The following KIF24 variants were observed in gnomAD, a reference collection of about 807,000 sequenced individuals.
The protein encoded by KIF24 is kinesin-like protein KIF24.
A neutral mutation model predicts 118.9 loss-of-function variants in KIF24; 81 were observed. The ratio of observed to expected loss-of-function variants is 0.68; its 90% CI spans 0.57 to 0.82. KIF24 has a LOEUF of 0.82. Among genes scored for constraint, KIF24 ranks in the 40% least tolerant of loss-of-function variants. The pLI, the probability that KIF24 is intolerant of heterozygous loss-of-function variation, is 0.00. For missense variants in KIF24, 1,560 were observed against 1,661.6 expected, an observed-to-expected ratio of 0.94 and a Z score of 1.06; for synonymous variants, 599 against 610.0, an observed-to-expected ratio of 0.98 and a Z score of 0.27.
intron 1 of KIF24, among the ~76,000 whole-genome samples, chr9:34,327,758 T>C (rs1024381969): frequency 6.6e-6 from 1 of 151,888 alleles, no homozygotes; most frequent in African/African-American, 2.4e-5. Context: ...GGGGCTAGAT[T>C]CAGGCGTTCA....
chr9:34,307,860 G>GAA (rs57149308), intron 2 of KIF24, among the ~76,000 whole-genome samples: 2 of 113,980 alleles, frequency 1.8e-5, no homozygotes, highest in African/African-American at 7.2e-5. Flanking sequence ...GACTCTGTCT[G>GAA]AAAAAAAAAA....
rs753714497 is a variant in KIF24 at position 34,318,341 on chromosome 9, C to A, written c.-25-6970G>T. 263 of 598,946 alleles carry A rather than the reference C, an allele frequency of 4.4e-4. 4 individuals carry two copies. The highest frequency in any genetic ancestry group is 2.2e-3 in the Middle Eastern group (5 of 2,224). 37.1% of individuals were successfully genotyped at this position (598,946 alleles called of 1,614,324 possible). A position where few individuals can be genotyped will look rare whatever the true frequency, so the allele number is the denominator to read the frequency against. On this transcript the variant is annotated intron_variant, in intron 1 of 12. Transcript: ENST00000402558. This position sits in a 1 kb window ranked among gnomAD's most constrained non-coding sequence, Gnocchi z 4.9. ...TTGGAGCCAGCCCAGCCCAACCCAG[C>A]CCAACCCAGCTTGACCTAGCCCTGA...
In KIF24 at chr9:34,321,134, C is replaced by T. The variant is rs111305592; in HGVS notation, c.-26+7972G>A. ...CCCTTAAACTACCACTGCCACCAAA[C>T]ACATTCTTATTCTGTAGGGAGGGAG... On this transcript the variant is annotated intron_variant, in intron 1 of 12. Transcript: ENST00000402558. 4.9e-3 allele frequency among the ~76,000 whole-genome samples: 740 copies of T among 152,294 alleles called. 2 individuals are homozygous for T. The highest frequency in any genetic ancestry group is 7.7e-3 in the Non-Finnish European group (524 of 68,018).
chr9:34,316,348 A>T (rs1467980097), intron 1 of KIF24, among the ~76,000 whole-genome samples: 1 of 152,110 alleles, frequency 6.6e-6, no homozygotes, highest in African/African-American at 2.4e-5. Context: ...AAAAAAAAAA[A>T]AAAGTTCCAT....
chr9:34,318,932 G>C lies in KIF24; in HGVS notation c.-25-7561C>G. 6.4e-7 allele frequency: 1 copy of C among 1,554,916 alleles called. No individual in the cohort carries two copies. The highest frequency in any genetic ancestry group is 8.8e-7 in the Non-Finnish European group (1 of 1,132,366). Reference sequence around the variant, plus strand: ...TGCGCTGCAGTCCATCCACGAGTGGGCCGTGCAGACCACCGACGGCAAGCT... The same window carrying C: ...TGCGCTGCAGTCCATCCACGAGTGGCCCGTGCAGACCACCGACGGCAAGCT... On this transcript the variant is annotated intron_variant, in intron 1 of 12. Transcript: ENST00000402558. The surrounding 1 kb of genome is among the most constrained non-coding windows in gnomAD (Gnocchi z 4.9).
chr9:34,259,092 C>A (rs1002264927), intron 10 of KIF24, among the ~76,000 whole-genome samples: 7 of 152,310 alleles, frequency 4.6e-5, no homozygotes, highest in Non-Finnish European at 1.0e-4. Context: ...CTGGCTCTGA[C>A]ACCAACTCCT....
intron 1 of KIF24, among the ~76,000 whole-genome samples, chr9:34,316,149 AG>A (rs1489837429): frequency 6.6e-6 from 1 of 151,998 alleles, no homozygotes; most frequent in Non-Finnish European, 1.5e-5. Flanking sequence ...CAGGAGATCG[AG>A]ACCATCCTGG....
At chr9:34,271,343 AGAAAAAG>A (rs755841195) in intron 7 of KIF24, among the ~76,000 whole-genome samples, 1 of 91,390 alleles carries the variant, frequency 1.1e-5, no homozygotes, top group Non-Finnish European at 2.1e-5. Flanking sequence ...AAAAAAAAAA[AGAAAAAG>A]AAAAGAAAAA....
intron 1 of KIF24, among the ~76,000 whole-genome samples, chr9:34,316,920 A>G (rs1314232933): frequency 6.6e-6 from 1 of 151,992 alleles, no homozygotes; most frequent in Admixed American, 6.6e-5. Flanking sequence ...AAAAATACAA[A>G]AATTGGCCGG....
chr9:34,272,260 A>T (rs1929638), intron 6 of KIF24, among the ~76,000 whole-genome samples: 106,555 of 152,062 alleles, frequency 0.7, 39,366 homozygotes, highest in East Asian at 0.95. Context: ...CAAAGCAAGG[A>T]CTCCTAATAC....
rs374063624 is a variant in KIF24 at position 34,263,773 on chromosome 9, T to C, written c.1444-601A>G. Among the ~76,000 whole-genome samples, 465 of 150,524 alleles carry C rather than the reference T, an allele frequency of 3.1e-3. 3 individuals carry two copies. Among genetic ancestry groups the C allele is most frequent in the African/African-American group, 1.0e-2 (408 of 41,004 alleles). ...TTTTTTGTAGAGATGGGGGTCTCTG[T>C]ATATTGTTGCCCAGGCTGGTCTCAA... On this transcript the variant is annotated intron_variant, in intron 8 of 12. Coordinates refer to ENST00000402558, the MANE Select transcript of KIF24 (RefSeq NM_194313.4).
At position 34,271,811 on chromosome 9, in the gene KIF24, G is replaced by A; in HGVS notation, c.1335C>T (p.Gly445=). 6.2e-7 allele frequency: 1 copy of A among 1,612,640 alleles called. No homozygotes were observed. The highest frequency in any genetic ancestry group is 1.7e-5 in the Admixed American group (1 of 59,752). The change falls in exon 7 of 13, where the codon GGC becomes GGT. Residue 445 remains glycine, a splice_region_variant and synonymous_variant. Coordinates refer to ENST00000402558, the MANE Select transcript of KIF24 (RefSeq NM_194313.4). Reference sequence around the variant, plus strand: ...ACTCCCTGATATTTCCAGCTCACCTGCCAAATGTCCTCTTGGCTGAATCTT... The same window carrying A: ...ACTCCCTGATATTTCCAGCTCACCTACCAAATGTCCTCTTGGCTGAATCTT... ...QIKDSAKRTF[G]RISFIDLAGS...
At chr9:34,303,828 G>A (rs940754726) in intron 3 of KIF24, among the ~76,000 whole-genome samples, 2 of 152,184 alleles carry the variant, frequency 1.3e-5, no homozygotes, top group Non-Finnish European at 2.9e-5. Flanking sequence ...CAGCCTGGGC[G>A]ATGGAGACAG....
At chr9:34,307,544 A>G (rs7020726) in intron 2 of KIF24, among the ~76,000 whole-genome samples, 148,458 of 152,302 alleles carry the variant, frequency 0.97, 72,475 homozygotes, top group East Asian at 1. Flanking sequence ...GAAACTGCAG[A>G]TGGAATAAAT....
At position 34,256,764 on chromosome 9, in the gene KIF24, T is replaced by C. The variant is rs1435849152; in HGVS notation, c.2843A>G (p.Tyr948Cys). The C allele has an allele frequency of 3.1e-6, 5 of 1,614,010 alleles. No homozygotes were observed. The highest frequency in any genetic ancestry group is 2.5e-6 in the Non-Finnish European group (3 of 1,179,890). The change falls in exon 11 of 13, where the codon TAT becomes TGT. Residue 948 changes from tyrosine (Y) to cysteine (C), a missense_variant. Physicochemically the swap from Tyr to Cys is radical, Grantham distance 194. Around this residue, in one of 3 missense-constraint regions of KIF24, gnomAD observed 591 missense variants for 655.6 expected, o/e 0.90. Coordinates refer to ENST00000402558, the MANE Select transcript of KIF24 (RefSeq NM_194313.4). ...AGAGCCTCCACCTCTTTCCTGTCTA[T>C]ATATGAAATCTACCTGTGAACAGTA... ...KPYCSQVDFIYRQERGGGSSF... is the reference protein window; with the variant it reads ...KPYCSQVDFICRQERGGGSSF...
chr9:34,311,635 C>T (rs185578470), intron 1 of KIF24, among the ~76,000 whole-genome samples: 139 of 148,472 alleles, frequency 9.4e-4, no homozygotes, highest in African/African-American at 2.9e-3. Flanking sequence ...TTCCATTTTA[C>T]ATATGTGTAT....
intron 10 of KIF24, among the ~76,000 whole-genome samples, chr9:34,258,416 G>A (rs980897105): frequency 6.6e-6 from 1 of 152,208 alleles, no homozygotes; most frequent in Non-Finnish European, 1.5e-5. Context: ...GCTGCAGTGA[G>A]CCATGATCAC....
chr9:34,288,981 CT>C (rs1401597242), intron 5 of KIF24, among the ~76,000 whole-genome samples: 1 of 151,754 alleles, frequency 6.6e-6, no homozygotes, highest in Non-Finnish European at 1.5e-5. Flanking sequence ...GGCATTGGAG[CT>C]TGATGGAGAA....
In KIF24 at chr9:34,262,659, AAAAAAAAAAAAAAAAAATAT is replaced by A. The variant is rs1316786438; in HGVS notation, c.1515+422_1515+441del. On this transcript the variant is annotated intron_variant, in intron 9 of 12. Transcript: ENST00000402558. The stretch of plus-strand genomic sequence containing the variant: ...CTGTCTCTACCAAAAAAAAAAAAAA[AAAAAAAAAAAAAAAAAATAT>A]ATATATATATATATATATATATATA... Among the ~76,000 whole-genome samples the A allele has an allele frequency of 2.9e-4, 11 of 37,874 alleles. 1 individual carries two copies. The highest frequency in any genetic ancestry group is 1.3e-3 in the Admixed American group (3 of 2,368). 24.8% of individuals were successfully genotyped at this position (37,874 alleles called of 152,430 possible).
Sources: allele counts gnomAD v4.1 joint callset (sites outside exome capture counted in the v4.1 genomes callset), GRCh38; gene constraint gnomAD v4.1.1; regional missense constraint gnomAD v4.1.1; non-coding constraint Gnocchi (gnomAD v3.1); transcripts MANE v1.5; gene names NCBI Gene and HGNC (gene_info 2026-07-23, HGNC 2026-07-21).